Variants in SPG11 observed in about 807,000 individuals in gnomAD.
SPG11 encodes the protein SPG11 vesicle trafficking associated, spatacsin.
SPG11 carries 222 observed loss-of-function variants against 274.0 expected under a neutral mutation model. The ratio of observed to expected loss-of-function variants is 0.81; its 90% confidence interval spans 0.73 to 0.91. The LOEUF is 0.91. SPG11 is among the 40% of genes least tolerant of loss of function. SPG11 has a pLI of 0.00. For missense variants in SPG11, 3,114 were observed against 2,872.7 expected, an observed-to-expected ratio of 1.08 and a Z score of -1.92; for synonymous variants, 1,144 against 1,039.7, an observed-to-expected ratio of 1.10 and a Z score of -1.93.
At chr15:44,662,777 T>C (rs2085154226) in intron 1 of SPG11, among the ~76,000 whole-genome samples, 1 of 152,116 alleles carries the variant, frequency 6.6e-6, no homozygotes, top group Admixed American at 6.6e-5. Context: ...AATGCATTAT[T>C]GTAATCATGT....
intron 22 of SPG11, 76 bp downstream of exon 22, chr15:44,598,555 A>T (rs2083102200): frequency 1.4e-6 from 2 of 1,442,472 alleles, no homozygotes; most frequent in African/African-American, 2.8e-5. Flanking sequence ...TTTTCTCCCC[A>T]AACACTCACA....
rs201483827 is a variant in SPG11 at position 44,594,816 on chromosome 15, TTTG to T, written c.4635+440_4635+442del. ...ACGACTTTGCTAAGTAAATGGTACTTTTGTTGTTGTTGTTGTTTTTGAGACAGT... is the reference window on the plus strand; with the variant it reads ...ACGACTTTGCTAAGTAAATGGTACTTTTGTTGTTGTTGTTTTTGAGACAGT... On this transcript the variant is annotated intron_variant, in intron 26 of 39. Transcript: ENST00000261866. Among the ~76,000 whole-genome samples, 1,398 of 152,084 alleles carry T rather than the reference TTTG, an allele frequency of 9.2e-3. 26 individuals carry two copies. The highest frequency in any genetic ancestry group is 0.031 in the African/African-American group (1,305 of 41,464).
intron 17 of SPG11, among the ~76,000 whole-genome samples, chr15:44,613,229 G>A (rs1343355893): frequency 6.6e-6 from 1 of 152,164 alleles, no homozygotes; most frequent in Admixed American, 6.6e-5. Flanking sequence ...TTTGCTCCAG[G>A]TCTAGCTTTT....
At chr15:44,580,995 T>G (rs973579175) in intron 30 of SPG11, among the ~76,000 whole-genome samples, 3 of 151,358 alleles carry the variant, frequency 2.0e-5, no homozygotes, top group African/African-American at 7.3e-5. Context: ...AAACCCCAAA[T>G]AGAATAAAGC....
At chr15:44,581,597 TA>T (rs201318366) in intron 30 of SPG11, among the ~76,000 whole-genome samples, 6,196 of 133,986 alleles carry the variant, frequency 0.046, 284 homozygotes, top group East Asian at 0.2. Context: ...AACTGATTAT[TA>T]AAAAAAAAAA....
rs371338650 is a variant in SPG11 at position 44,626,406 on chromosome 15, G to A, written c.2169C>T (p.Gly723=). The A allele has an allele frequency of 1.6e-4, 253 of 1,613,698 alleles. No homozygotes were observed. Among genetic ancestry groups the A allele is most frequent in the Non-Finnish European group, 2.0e-4 (240 of 1,179,906 alleles). The change falls in exon 11 of 40, where the codon GGC becomes GGT. Residue 723 remains glycine (G), a synonymous_variant. Transcript: ENST00000261866. ...HSAQKLEELI[G]IGLNLVFDNL... ...TGTCAAAGACCAAATTTAGGCCTAT[G>A]CCAATAAGCTCCTCAAGTTTTTGAG...
rs749419579 is a variant in SPG11 at position 44,584,563 on chromosome 15, G to A, written c.5122-5C>T. 1 of 1,607,184 alleles carries A rather than the reference G, an allele frequency of 6.2e-7. No individual in the cohort carries two copies. The highest frequency in any genetic ancestry group is 1.7e-5 in the Admixed American group (1 of 60,022). ...GGTCTGCATTTCCTGTGTTATCTGT[G>A]AAATTTAACAAAGCAGATTTTAGCC... On this transcript the variant is annotated splice_polypyrimidine_tract_variant and splice_region_variant and intron_variant, in intron 29 of 39. Coordinates refer to ENST00000261866, the MANE Select transcript of SPG11 (RefSeq NM_025137.4).
chr15:44,598,582 C>T (rs1239948175), intron 22 of SPG11, 49 bp downstream of exon 22: 2 of 1,562,468 alleles, frequency 1.3e-6, no homozygotes, highest in Non-Finnish European at 1.8e-6. Flanking sequence ...TGCCTTAGAC[C>T]TCGTCACACC....
At chr15:44,636,290 A>T (rs1258130156) in intron 7 of SPG11, among the ~76,000 whole-genome samples, 1 of 152,166 alleles carries the variant, frequency 6.6e-6, no homozygotes, top group Admixed American at 6.6e-5. Flanking sequence ...GAGACTATAA[A>T]CAAACTATGC....
chr15:44,642,018 T>C (rs766625355), intron 7 of SPG11, among the ~76,000 whole-genome samples: 44 of 150,722 alleles, frequency 2.9e-4, no homozygotes, highest in Non-Finnish European at 5.0e-4. Context: ...GAATGAACTA[T>C]AGTTATATAC....
chr15:44,569,376 G>T (rs1361496403), intron 35 of SPG11, 22 bp downstream of exon 35: 1 of 1,513,964 alleles, frequency 6.6e-7, no homozygotes, highest in East Asian at 2.3e-5. Context: ...CCCCATCCTG[G>T]AGCTCATTAC....
intron 16 of SPG11, among the ~76,000 whole-genome samples, chr15:44,613,910 G>A (rs1158947163): frequency 6.6e-6 from 1 of 152,148 alleles, no homozygotes; most frequent in East Asian, 1.9e-4. Context: ...CAAGTGTGGT[G>A]GTGTGCACCT....
intron 19 of SPG11, 99 bp downstream of exon 19, chr15:44,608,345 C>G: frequency 5.4e-6 from 7 of 1,289,440 alleles, no homozygotes; most frequent in Non-Finnish European, 7.8e-6. Flanking sequence ...GTAAGTAATT[C>G]CCTACATTAA....
intron 27 of SPG11, among the ~76,000 whole-genome samples, chr15:44,591,209 G>A (rs2082892075): frequency 6.6e-6 from 1 of 152,190 alleles, no homozygotes; most frequent in South Asian, 2.1e-4. Flanking sequence ...GAATTATTAT[G>A]AGAAAGAACA....
intron 30 of SPG11, among the ~76,000 whole-genome samples, chr15:44,580,460 A>G (rs560270711): frequency 1.2e-4 from 19 of 152,308 alleles, no homozygotes; most frequent in African/African-American, 4.3e-4. Context: ...TCCAATCTGA[A>G]CAACAGAGAG....
intron 1 of SPG11, among the ~76,000 whole-genome samples, chr15:44,662,808 C>A (rs573606247): frequency 6.6e-6 from 1 of 152,140 alleles, no homozygotes; most frequent in Non-Finnish European, 1.5e-5. Flanking sequence ...CAAACATGCG[C>A]GCCTCGCAAG....
chr15:44,603,774 A>G (rs1281777629), intron 20 of SPG11, among the ~76,000 whole-genome samples: 4 of 152,212 alleles, frequency 2.6e-5, no homozygotes, highest in African/African-American at 9.6e-5. Context: ...CATACACTTT[A>G]GATTACTCTA....
At chr15:44,592,494 T>C in intron 26 of SPG11, 56 bp from the exon 27 acceptor site, 2 of 986,384 alleles carry the variant, frequency 2.0e-6, no homozygotes, top group South Asian at 2.6e-5. Context: ...ATTTTTTCAA[T>C]GAATAATGCC....
chr15:44,580,541 G>A (rs1181263471), intron 30 of SPG11, among the ~76,000 whole-genome samples: 1 of 152,260 alleles, frequency 6.6e-6, no homozygotes, highest in Non-Finnish European at 1.5e-5. Flanking sequence ...CACTTTGGGA[G>A]GCCGACGCGG....
Sources: allele counts gnomAD v4.1 joint callset (sites outside exome capture counted in the v4.1 genomes callset), GRCh38; gene constraint gnomAD v4.1.1; transcripts MANE v1.5; gene names NCBI Gene and HGNC (gene_info 2026-07-23, HGNC 2026-07-21).